ABI3BP: variants seen among roughly 807,000 people sequenced by gnomAD.
ABI3BP encodes ABI family member 3 binding protein.
ABI3BP carries 216 observed loss-of-function variants against 268.6 expected under a neutral mutation model. The ratio of observed to expected loss-of-function variants is 0.80; its 90% CI spans 0.72 to 0.90. The LOEUF (loss-of-function observed/expected upper bound fraction) is 0.90. ABI3BP is among the 40% of genes least tolerant of loss of function. The pLI is 0.00. For synonymous variants in ABI3BP, 730 were observed against 730.0 expected, an observed-to-expected ratio of 1.00 and a Z score of 0.00; for missense variants, 2,090 against 2,182.4, an observed-to-expected ratio of 0.96 and a Z score of 0.84.
chr3:100,868,548 T>C (rs181387796), intron 9 of ABI3BP, among the ~76,000 whole-genome samples: 1 of 152,342 alleles, frequency 6.6e-6, no homozygotes, highest in East Asian at 1.9e-4. Context: ...TCTGATGAGC[T>C]TGAAGACAAT....
chr3:100,816,595 T>C (rs916035734), intron 43 of ABI3BP, 93 bp downstream of exon 43: 21 of 997,474 alleles, frequency 2.1e-5, no homozygotes, highest in Middle Eastern at 4.1e-4. Context: ...TGACTGTTAC[T>C]TCCCGTCATA....
Position 100,866,940 on chromosome 3 carries a change from C to T in ABI3BP, c.927G>A (p.Leu309=). Reference sequence around the variant, plus strand: ...GTGTTTTAGATTCGGCAGGTAATGCCAAGGTTTCATTCTTAGCTAAAAAGT... The same window carrying T: ...GTGTTTTAGATTCGGCAGGTAATGCTAAGGTTTCATTCTTAGCTAAAAAGT... ...LKTQLAKNET[L]ALPAESKTPE... The change falls in exon 10 of 68, where the codon TTG becomes TTA. Residue 309 remains leucine (L), a synonymous_variant. Transcript: ENST00000471714. 5 of 1,613,686 alleles carry T rather than the reference C, an allele frequency of 3.1e-6. No individual in the cohort carries two copies. The highest frequency in any genetic ancestry group is 4.2e-6 in the Non-Finnish European group (5 of 1,179,724).
intron 2 of ABI3BP, among the ~76,000 whole-genome samples, chr3:100,916,776 G>A (rs1383882871): frequency 6.6e-6 from 1 of 152,194 alleles, no homozygotes; most frequent in Non-Finnish European, 1.5e-5. Flanking sequence ...CCTTGATTTT[G>A]TCTCCCTTTT....
At chr3:100,951,190 G>A (rs2074826474) in intron 1 of ABI3BP, among the ~76,000 whole-genome samples, 1 of 151,802 alleles carries the variant, frequency 6.6e-6, no homozygotes. Context: ...CTCCTCTCTA[G>A]CATTGCAGAC....
In ABI3BP at chr3:100,894,602, G is replaced by A. The variant is rs1048267616; in HGVS notation, c.461+4160C>T. On this transcript the variant is annotated intron_variant, in intron 4 of 67. Coordinates refer to ENST00000471714, the MANE Select transcript of ABI3BP (RefSeq NM_001375547.2). ...GGGCGGAAAAAAGGCAAGAGAGTCT[G>A]CTCTGGACTGGCCAAAAAGGAGAGC... Among the ~76,000 whole-genome samples the A allele has an allele frequency of 3.3e-5, 5 of 152,114 alleles. No individual in the cohort carries two copies. In the South Asian group the frequency reaches 8.3e-4, roughly 25 times the overall value.
At chr3:100,783,151 A>T (rs2096918854) in intron 57 of ABI3BP, among the ~76,000 whole-genome samples, 1 of 152,210 alleles carries the variant, frequency 6.6e-6, no homozygotes, top group Admixed American at 6.5e-5. Context: ...GTGATCAAAA[A>T]GGGGTGATAT....
intron 32 of ABI3BP, among the ~76,000 whole-genome samples, chr3:100,830,110 CATATATATATATATAT>C (rs559297681): frequency 0.012 from 550 of 44,662 alleles, 12 homozygotes; most frequent in East Asian, 0.015. Flanking sequence ...TACATACATA[CATATATATATATATAT>C]ATATATATAT....
Position 100,824,873 on chromosome 3 carries a change from G to A in ABI3BP, c.2731C>T (p.Pro911Ser), listed in dbSNP as rs2098339016. The A allele has an allele frequency of 2.0e-6, 3 of 1,536,046 alleles. No individual in the cohort carries two copies. Among genetic ancestry groups the A allele is most frequent in the Middle Eastern group, 1.7e-4 (1 of 5,988 alleles). ...ACAGATTTACCAGGTTTGGTCTCAG[G>A]TGCCTGAGGGCTCGGTGTAGTTTTA... The part of the protein sequence containing the change: ...RPKTTPSPQA[P>S]ETKPVPATVL... The change falls in exon 36 of 68, where the codon CCT becomes TCT. Residue 911 changes from proline to serine, a missense_variant. Transcript: ENST00000471714.
chr3:100,989,033 G>A (rs1223124547), intron 1 of ABI3BP, among the ~76,000 whole-genome samples: 1 of 152,142 alleles, frequency 6.6e-6, no homozygotes, highest in East Asian at 1.9e-4. Flanking sequence ...ATAGTATTAG[G>A]AGCTGAGACC....
chr3:100,971,849 C>A (rs1430967216), intron 1 of ABI3BP, among the ~76,000 whole-genome samples: 1 of 152,094 alleles, frequency 6.6e-6, no homozygotes, highest in Non-Finnish European at 1.5e-5. Flanking sequence ...AGATCAGGAT[C>A]AGGAACAAGG....
Position 100,876,557 on chromosome 3 carries a change from C to A in ABI3BP, c.700G>T (p.Ala234Ser), listed in dbSNP as rs75841780. 1 of 1,613,102 alleles carries A rather than the reference C, an allele frequency of 6.2e-7. No homozygotes were observed. Among genetic ancestry groups the A allele is most frequent in the African/African-American group, 1.3e-5 (1 of 74,862 alleles). The change falls in exon 7 of 68, where the codon GCA becomes TCA. Residue 234 changes from alanine to serine, a missense_variant. Coordinates refer to ENST00000471714, the MANE Select transcript of ABI3BP (RefSeq NM_001375547.2). ...STYDQDHTVP[A>S]YVPRKLIPIT... Reference sequence around the variant, plus strand: ...GGGATTAGTTTCCTTGGGACATATGCTGGCTGCAAAGAGAAGAAGAAAGTC... The same window carrying A: ...GGGATTAGTTTCCTTGGGACATATGATGGCTGCAAAGAGAAGAAGAAAGTC...
intron 51 of ABI3BP, 42 bp downstream of exon 51, chr3:100,804,750 C>G (rs566141604): frequency 1.3e-6 from 2 of 1,539,142 alleles, no homozygotes; most frequent in South Asian, 2.2e-5. Flanking sequence ...CAGAGTGGGA[C>G]AGTAGAATGC....
At chr3:100,909,661 T>C (rs542334429) in intron 2 of ABI3BP, among the ~76,000 whole-genome samples, 2 of 152,196 alleles carry the variant, frequency 1.3e-5, no homozygotes, top group South Asian at 2.1e-4. Context: ...AACAAACATA[T>C]GAAAAAATGC....
At chr3:100,899,679 C>T (rs558517665) in intron 3 of ABI3BP, among the ~76,000 whole-genome samples, 235 of 152,248 alleles carry the variant, frequency 1.5e-3, no homozygotes, top group African/African-American at 5.2e-3. Flanking sequence ...AGAACCTCAA[C>T]CATGAAAACC....
At chr3:100,885,066 C>T (rs1431065075) in intron 6 of ABI3BP, among the ~76,000 whole-genome samples, 1 of 152,054 alleles carries the variant, frequency 6.6e-6, no homozygotes, top group East Asian at 1.9e-4. Context: ...AAAACGCAAA[C>T]ATTGTCTGAA....
chr3:100,893,649 A>C (rs1561363707), intron 4 of ABI3BP, among the ~76,000 whole-genome samples: 1 of 152,150 alleles, frequency 6.6e-6, no homozygotes. Flanking sequence ...GATGGTGCAG[A>C]ATTCAGAATG....
At chr3:100,927,641 G>T (rs1190929242) in intron 1 of ABI3BP, among the ~76,000 whole-genome samples, 2 of 152,092 alleles carry the variant, frequency 1.3e-5, no homozygotes, top group African/African-American at 4.8e-5. Context: ...AAAGAGGAAG[G>T]TGCCACATAC....
chr3:100,852,459 TC>T lies in ABI3BP; in HGVS notation c.1286-520del, dbSNP rs140708213. On this transcript the variant is annotated intron_variant, in intron 14 of 67. Transcript: ENST00000471714. ...ATCAACTTATTGAACCCTTTTAACATCCCTGAGAAATAGGTGAGGTAGGCAG... is the reference window on the plus strand; with the variant it reads ...ATCAACTTATTGAACCCTTTTAACATCCTGAGAAATAGGTGAGGTAGGCAG... 3.1e-3 allele frequency among the ~76,000 whole-genome samples: 478 copies of T among 152,350 alleles called. 23 individuals carry two copies. In the East Asian group the frequency reaches 0.082, roughly 26 times the overall value.
intron 1 of ABI3BP, among the ~76,000 whole-genome samples, chr3:100,938,371 A>T (rs1413178844): frequency 6.6e-6 from 1 of 151,904 alleles, no homozygotes; most frequent in Non-Finnish European, 1.5e-5. Flanking sequence ...TAGGGAGTCG[A>T]AAAGGGATCA....
Sources: gnomAD v4.1 joint callset for allele counts (sites outside exome capture counted in the v4.1 genomes callset) on GRCh38, gnomAD v4.1.1 for gene constraint, MANE v1.5 for transcripts, NCBI Gene and HGNC (gene_info 2026-07-23, HGNC 2026-07-21) for gene names.